Variants in GPC6 observed in about 807,000 individuals in gnomAD.
GPC6 encodes glypican-6.
In GPC6, 14 loss-of-function variants were observed where a neutral mutation model predicts 55.2. The ratio of observed to expected loss-of-function variants is 0.25; its 90% CI spans 0.17 to 0.40. The LOEUF is 0.40. GPC6 is among the 10% of genes least tolerant of loss of function. The probability of loss-of-function intolerance (pLI) is 1.00; values close to 1 mark genes in which losing one functional copy is unlikely to be tolerated. For missense variants in GPC6, 641 were observed against 708.5 expected (o/e 0.90, Z 1.08); for synonymous variants, 278 against 259.6 (o/e 1.07, Z -0.68).
At chr13:94,025,339 A>G (rs1259843689) in intron 3 of GPC6, 2 of 152,222 alleles carry the variant, frequency 1.3e-5, no homozygotes, top group Non-Finnish European at 2.9e-5. Context: ...AACCATGCCA[A>G]TAAGGAAAAT....
chr13:93,501,181 T>TA (rs746373682), intron 1 of GPC6, among the ~76,000 whole-genome samples: 6 of 152,096 alleles, frequency 3.9e-5, no homozygotes, highest in Non-Finnish European at 5.9e-5. Flanking sequence ...CCTGAAAACA[T>TA]AAAGATAGTT....
chr13:93,629,044 A>AAC (rs1555318023), intron 2 of GPC6, among the ~76,000 whole-genome samples: 1 of 118,976 alleles, frequency 8.4e-6, no homozygotes, highest in Admixed American at 8.3e-5. Flanking sequence ...CAGAAAAAAA[A>AAC]AAAACAAAAA....
At chr13:93,625,420 C>T (rs1566456025) in intron 2 of GPC6, among the ~76,000 whole-genome samples, 1 of 152,286 alleles carries the variant, frequency 6.6e-6, no homozygotes, top group East Asian at 1.9e-4. Flanking sequence ...TAAAATCCTG[C>T]TGGACTGGGA....
At chr13:94,127,919 A>G (rs1307835835) in intron 4 of GPC6, among the ~76,000 whole-genome samples, 4 of 152,148 alleles carry the variant, frequency 2.6e-5, no homozygotes, top group African/African-American at 9.7e-5. Context: ...AGAAAGCCAA[A>G]TTAGGAATTA....
At position 93,971,939 on chromosome 13, in the gene GPC6, G is replaced by A. The variant is rs142724160; in HGVS notation, c.712-55790G>A. On this transcript the variant is annotated intron_variant, in intron 3 of 8. Transcript: ENST00000377047. ...ACAAAGCTAGGCTCACGCTGGGCAG[G>A]AGGAGTATCCAGCGTCAGGCTAGTG... 9.6e-4 allele frequency among the ~76,000 whole-genome samples: 146 copies of A among 152,346 alleles called. 3 individuals are homozygous for A. In the East Asian group the frequency reaches 0.023, roughly 24 times the overall value.
At chr13:94,276,478 TTA>T (rs1555314657) in intron 4 of GPC6, among the ~76,000 whole-genome samples, 3 of 141,080 alleles carry the variant, frequency 2.1e-5, no homozygotes, top group South Asian at 2.3e-4. Flanking sequence ...ATTTTTATTT[TTA>T]TTTTATTTTA....
intron 4 of GPC6, among the ~76,000 whole-genome samples, chr13:94,170,593 G>T (rs1412943): frequency 0.059 from 8,959 of 152,198 alleles, 550 homozygotes; most frequent in East Asian, 0.27. Flanking sequence ...ATTCCTTTTG[G>T]GCACTGACTT....
At chr13:93,794,612 A>G (rs1300653643) in intron 2 of GPC6, among the ~76,000 whole-genome samples, 1 of 152,154 alleles carries the variant, frequency 6.6e-6, no homozygotes, top group Non-Finnish European at 1.5e-5. Context: ...TCACTTTGAG[A>G]GAGGAGGGAA....
intron 2 of GPC6, among the ~76,000 whole-genome samples, chr13:93,668,243 A>C (rs965743427): frequency 3.3e-5 from 5 of 152,316 alleles, no homozygotes; most frequent in Admixed American, 2.6e-4. Flanking sequence ...CCTTGACATC[A>C]AACAAGCCAA....
intron 3 of GPC6, among the ~76,000 whole-genome samples, chr13:93,979,281 TTGTGTG>T (rs72400372): frequency 1.2e-3 from 172 of 140,272 alleles, no homozygotes; most frequent in South Asian, 4.9e-3. Context: ...GACACTTCTT[TTGTGTG>T]TGTGTGTGTG....
chr13:93,889,165 G>A (rs866254903), intron 3 of GPC6, among the ~76,000 whole-genome samples: 7 of 152,006 alleles, frequency 4.6e-5, no homozygotes, highest in African/African-American at 7.2e-5. Context: ...GCATTGATGT[G>A]GGTGGCTTAT....
intron 2 of GPC6, among the ~76,000 whole-genome samples, chr13:93,817,172 T>C (rs548931731): frequency 6.6e-6 from 1 of 152,346 alleles, no homozygotes; most frequent in East Asian, 1.9e-4. Flanking sequence ...TCTGTTTCCC[T>C]AAATGTAAGA....
chr13:93,737,368 T>A (rs1884042497), intron 2 of GPC6, among the ~76,000 whole-genome samples: 1 of 152,196 alleles, frequency 6.6e-6, no homozygotes, highest in African/African-American at 2.4e-5. Flanking sequence ...TGTGCCATGT[T>A]TTCTAATCTT....
intron 7 of GPC6, among the ~76,000 whole-genome samples, chr13:94,396,720 A>G (rs1473549755): frequency 1.3e-5 from 2 of 152,224 alleles, no homozygotes; most frequent in African/African-American, 2.4e-5. Context: ...AGTTGACTCT[A>G]TAAGACAAGG....
rs1194575164 is a variant in GPC6 at position 94,027,820 on chromosome 13, A to G, written c.803A>G (p.Asn268Ser). 2 of 1,613,978 alleles carry G rather than the reference A, an allele frequency of 1.2e-6. No individual in the cohort carries two copies. Among genetic ancestry groups the G allele is most frequent in the Non-Finnish European group, 1.7e-6 (2 of 1,179,962 alleles). Residue 268 changes from asparagine (N) to serine (S), a missense_variant, in exon 4 of 9, where the codon AAC becomes AGC. Asn to Ser is a conservative substitution (Grantham distance 46, BLOSUM62 1). Transcript: ENST00000377047. ...CTTCCCACTGTGAGGCCCTGCAACA[A>G]CTACTGTCTCAACGTCATGAAGGGC... Reference protein sequence around the residue: ...RGLPTVRPCNNYCLNVMKGCL... With the variant: ...RGLPTVRPCNSYCLNVMKGCL...
At chr13:93,516,417 G>A (rs975000027) in intron 1 of GPC6, among the ~76,000 whole-genome samples, 11 of 152,074 alleles carry the variant, frequency 7.2e-5, no homozygotes, top group African/African-American at 2.7e-4. Flanking sequence ...AGAATGCCCA[G>A]AATTGTGGAC....
intron 2 of GPC6, among the ~76,000 whole-genome samples, chr13:93,816,892 A>G (rs900528568): frequency 1.3e-5 from 2 of 152,144 alleles, no homozygotes; most frequent in African/African-American, 4.8e-5. Context: ...ACGGTATTAT[A>G]TTTTGTATTA....
chr13:93,285,551 A>G (rs1190494788), intron 1 of GPC6, among the ~76,000 whole-genome samples: 1 of 151,746 alleles, frequency 6.6e-6, no homozygotes, highest in East Asian at 1.9e-4. Context: ...GCCAATTTGT[A>G]TAATTTTTCC....
intron 1 of GPC6, among the ~76,000 whole-genome samples, chr13:93,423,657 T>C (rs1877013004): frequency 6.6e-6 from 1 of 152,156 alleles, no homozygotes. Flanking sequence ...TGAGCATTAT[T>C]TTCTCTGCTC....
Sources: allele counts gnomAD v4.1 joint callset (sites outside exome capture counted in the v4.1 genomes callset), GRCh38; gene constraint gnomAD v4.1.1; transcripts MANE v1.5; gene names NCBI Gene and HGNC (gene_info 2026-07-23, HGNC 2026-07-21).